Variants in TTC6 observed in about 807,000 individuals in gnomAD.
The protein encoded by TTC6 is tetratricopeptide repeat domain 6, also known as tetratricopeptide repeat protein 6.
TTC6 carries 172 observed loss-of-function variants against 210.4 expected under a neutral mutation model. The ratio of observed to expected loss-of-function variants is 0.82; its 90% CI spans 0.72 to 0.93. The LOEUF (loss-of-function observed/expected upper bound fraction) is 0.93. TTC6 is among the 40% of genes least tolerant of loss of function. The probability of loss-of-function intolerance (pLI) is 0.00; values close to 1 mark genes in which losing one functional copy is unlikely to be tolerated. For synonymous variants in TTC6, 804 were observed against 819.6 expected (o/e 0.98, Z 0.32); for missense variants, 2,414 against 2,318.1 (o/e 1.04, Z -0.85).
intron 15 of TTC6, among the ~76,000 whole-genome samples, chr14:37,789,569 A>C (rs2139322314): frequency 6.9e-6 from 1 of 143,916 alleles, no homozygotes; most frequent in South Asian, 2.2e-4. Context: ...GATATTCATT[A>C]ATGGTGTTGG....
intron 1 of TTC6, among the ~76,000 whole-genome samples, chr14:37,661,686 G>T (rs2095737667): frequency 6.6e-6 from 1 of 152,074 alleles, no homozygotes; most frequent in Admixed American, 6.6e-5. Flanking sequence ...CTTTAAAATA[G>T]TTTTTTTCTA....
chr14:37,840,415 A>G (rs993413684), intron 29 of TTC6, among the ~76,000 whole-genome samples: 3 of 152,204 alleles, frequency 2.0e-5, no homozygotes, highest in Non-Finnish European at 4.4e-5. Context: ...AGAGGTGCAA[A>G]GAGGAGCTGG....
intron 29 of TTC6, chr14:37,827,863 G>A (rs1441702770): frequency 1.3e-5 from 2 of 152,870 alleles, no homozygotes; most frequent in Admixed American, 1.3e-4. Flanking sequence ...AACCCTCTGT[G>A]TGTTGTTCCA....
intron 1 of TTC6, among the ~76,000 whole-genome samples, chr14:37,652,824 A>G (rs1256918223): frequency 1.3e-5 from 2 of 152,178 alleles, no homozygotes; most frequent in African/African-American, 4.8e-5. Context: ...TGGCACATGC[A>G]CTTTCCTAGC....
At chr14:37,618,561 AAG>A (rs531622180), upstream of TTC6, among the ~76,000 whole-genome samples, 6 of 152,332 alleles carry the variant, frequency 3.9e-5, no homozygotes, top group South Asian at 1.2e-3. Flanking sequence ...TCCTATGAAA[AAG>A]AGAACATGCT....
chr14:37,730,871 A>G (rs770017259), intron 7 of TTC6, among the ~76,000 whole-genome samples: 5 of 152,170 alleles, frequency 3.3e-5, no homozygotes, highest in Non-Finnish European at 1.5e-5. Flanking sequence ...GTCTTTTTAC[A>G]TGTCATTTTT....
chr14:37,639,253 C>T (rs1224026322), intron 1 of TTC6, among the ~76,000 whole-genome samples: 1 of 152,270 alleles, frequency 6.6e-6, no homozygotes, highest in East Asian at 1.9e-4. Context: ...AATAACCTAC[C>T]AGGATCTGGG....
At chr14:37,629,242 G>A (rs1432476650) in intron 1 of TTC6, among the ~76,000 whole-genome samples, 1 of 152,128 alleles carries the variant, frequency 6.6e-6, no homozygotes, top group East Asian at 1.9e-4. Context: ...CCATGAGCAT[G>A]GAATATTTTT....
intron 1 of TTC6, among the ~76,000 whole-genome samples, chr14:37,653,057 C>T (rs1017588149): frequency 6.6e-6 from 1 of 152,216 alleles, no homozygotes; most frequent in African/African-American, 2.4e-5. Flanking sequence ...TATTCAGACA[C>T]ATCAGGTAAT....
intron 3 of TTC6, among the ~76,000 whole-genome samples, chr14:37,690,890 A>G (rs1189573007): frequency 2.0e-5 from 3 of 152,230 alleles, no homozygotes; most frequent in Non-Finnish European, 2.9e-5. Flanking sequence ...ATGTTTATAG[A>G]ACATTTCATC....
chr14:37,721,575 A>G (rs952396473), intron 6 of TTC6, among the ~76,000 whole-genome samples: 1 of 151,624 alleles, frequency 6.6e-6, no homozygotes, highest in Non-Finnish European at 1.5e-5. Flanking sequence ...CATATACCCA[A>G]CTCTCAATAA....
At chr14:37,838,307 C>T (rs1035998971) in intron 29 of TTC6, among the ~76,000 whole-genome samples, 4 of 152,090 alleles carry the variant, frequency 2.6e-5, no homozygotes, top group Non-Finnish European at 5.9e-5. Context: ...AAACAAATTG[C>T]TAGAAATGTG....
chr14:37,635,394 G>C (rs554998965), intron 1 of TTC6, among the ~76,000 whole-genome samples: 23 of 152,162 alleles, frequency 1.5e-4, no homozygotes, highest in African/African-American at 5.5e-4. Context: ...TAGGAAGGCA[G>C]GTACAAACAG....
intron 6 of TTC6, among the ~76,000 whole-genome samples, chr14:37,718,429 A>G (rs1011984765): frequency 2.2e-4 from 34 of 152,312 alleles, no homozygotes; most frequent in African/African-American, 7.9e-4. Flanking sequence ...ACAGCTTGAT[A>G]AAGAGCAGCT....
intron 14 of TTC6, among the ~76,000 whole-genome samples, chr14:37,762,418 T>C (rs1261309135): frequency 6.6e-6 from 1 of 152,224 alleles, no homozygotes; most frequent in Non-Finnish European, 1.5e-5. Flanking sequence ...TCATAATGGC[T>C]GTATTAACTT....
At chr14:37,748,163 G>T (rs912329638) in intron 10 of TTC6, among the ~76,000 whole-genome samples, 2 of 152,206 alleles carry the variant, frequency 1.3e-5, no homozygotes, top group Admixed American at 1.3e-4. Flanking sequence ...ATGGTGGCTT[G>T]CACTAGAATG....
chr14:37,691,361 A>T (rs1246937703), intron 3 of TTC6, among the ~76,000 whole-genome samples: 1 of 152,178 alleles, frequency 6.6e-6, no homozygotes, highest in African/African-American at 2.4e-5. Flanking sequence ...AAAAAAACAC[A>T]ATAGAATAAA....
chr14:37,746,943 T>C (rs1346902343), intron 10 of TTC6, among the ~76,000 whole-genome samples: 2 of 152,210 alleles, frequency 1.3e-5, no homozygotes, highest in Admixed American at 6.5e-5. Context: ...ACATCCCATA[T>C]TTCAGTTTTC....
chr14:37,817,451 T>G (rs17107160), intron 25 of TTC6, 127 bp from the exon 28 acceptor site: 8,108 of 725,526 alleles, frequency 0.011, 336 homozygotes, highest in African/African-American at 0.11. Flanking sequence ...AATGCTTGTG[T>G]CACATGTATT....
Sources: allele counts gnomAD v4.1 joint callset (sites outside exome capture counted in the v4.1 genomes callset), GRCh38; gene constraint gnomAD v4.1.1; transcripts MANE v1.5; gene names NCBI Gene and HGNC (gene_info 2026-07-23, HGNC 2026-07-21).